Variants in HPCAL4 observed in about 807,000 individuals in gnomAD.
HPCAL4 encodes hippocalcin like 4, also known as hippocalcin-like protein 4.
A neutral mutation model predicts 18.2 loss-of-function variants in HPCAL4; 16 were observed. The observed-to-expected ratio is 0.88, with a 90% CI of 0.59 to 1.33. The LOEUF (loss-of-function observed/expected upper bound fraction) is 1.33. HPCAL4 is among the 40% of genes most tolerant of loss of function. The pLI is 0.00. For synonymous variants in HPCAL4, 80 were observed against 97.5 expected (o/e 0.82, Z 1.06); for missense variants, 214 against 256.6 (o/e 0.83, Z 1.14).
At position 39,682,716 on chromosome 1, in the gene HPCAL4, C is replaced by T; in HGVS notation, c.396G>A (p.Val132=). The stretch of plus-strand genomic sequence containing the variant: ...TCATGCGCATCATGATCACGGTGCC[C>T]ACCATCTTGTAGATTGCCTGGTGAG... ...LEIIEAIYKM[V]GTVIMMRMNQ... The change falls in exon 4 of 4, where the codon GTG becomes GTA. Residue 132 remains valine, a synonymous_variant. Coordinates refer to ENST00000372844, the MANE Select transcript of HPCAL4 (RefSeq NM_016257.4). The T allele has an allele frequency of 4.3e-6, 7 of 1,614,098 alleles. No individual in the cohort carries two copies. The highest frequency in any genetic ancestry group is 5.9e-6 in the Non-Finnish European group (7 of 1,180,024).
At chr1:39,686,180 CAAAAA>C (rs35915782) in intron 1 of HPCAL4, among the ~76,000 whole-genome samples, 1 of 86,476 alleles carries the variant, frequency 1.2e-5, no homozygotes, top group Non-Finnish European at 2.3e-5. Context: ...GACTCCGTCT[CAAAAA>C]AAAAAAAAAA....
chr1:39,686,160 G>A (rs577219545), intron 1 of HPCAL4, among the ~76,000 whole-genome samples: 15 of 139,846 alleles, frequency 1.1e-4, no homozygotes, highest in African/African-American at 3.3e-4. Flanking sequence ...CAGCCTGGGC[G>A]ACAGAGTGAG....
intron 1 of HPCAL4, among the ~76,000 whole-genome samples, chr1:39,689,242 G>A (rs909165035): frequency 2.8e-4 from 42 of 152,158 alleles, no homozygotes; most frequent in African/African-American, 1.0e-3. Context: ...ATGAGAGCAG[G>A]GGTTTTTTCT....
intron 1 of HPCAL4, among the ~76,000 whole-genome samples, chr1:39,690,122 G>GAGT (rs1646706639): frequency 6.6e-6 from 1 of 152,146 alleles, no homozygotes; most frequent in Admixed American, 6.5e-5. Context: ...TGTCTTCAGT[G>GAGT]AGTTCTAAAC....
At position 39,684,618 on chromosome 1, in the gene HPCAL4, G is replaced by A. The variant is rs913547867; in HGVS notation, c.-8-7C>T. The A allele has an allele frequency of 1.3e-6, 2 of 1,571,488 alleles. No individual in the cohort carries two copies. Among genetic ancestry groups the A allele is most frequent in the Non-Finnish European group, 1.7e-6 (2 of 1,159,702 alleles). ...GTCTTCCCCATGGCGGGGCCTGTGG[G>A]ACAGAGGGATTCCTCCGACTGGGTC... On this transcript the variant is annotated splice_region_variant and splice_polypyrimidine_tract_variant and intron_variant, in intron 1 of 3. Transcript: ENST00000372844.
At chr1:39,684,652 G>A (rs979618712) in intron 1 of HPCAL4, 41 bp from the exon 2 acceptor site, 2 of 1,495,908 alleles carry the variant, frequency 1.3e-6, no homozygotes, top group Non-Finnish European at 8.9e-7. Context: ...TCCAGGGAAA[G>A]GCCCTGCCTC....
At chr1:39,683,781 A>G (rs899710060) in intron 3 of HPCAL4, among the ~76,000 whole-genome samples, 156 bp downstream of exon 3, 11 of 152,154 alleles carry the variant, frequency 7.2e-5, no homozygotes, top group African/African-American at 2.7e-4. Flanking sequence ...GTGTCGGGTA[A>G]AGCATTTAGC....
chr1:39,685,580 A>T (rs1646665939), intron 1 of HPCAL4, among the ~76,000 whole-genome samples: 1 of 152,156 alleles, frequency 6.6e-6, no homozygotes, highest in African/African-American at 2.4e-5. Flanking sequence ...CAAAAAATTT[A>T]AAAATTTGGC....
rs1646628049 is a variant in HPCAL4 at position 39,681,736 on chromosome 1, AG to A, written c.*799del. 1 of 152,222 alleles carries A rather than the reference AG, an allele frequency of 6.6e-6. No individual in the cohort carries two copies. The highest frequency in any genetic ancestry group is 6.5e-5 in the Admixed American group (1 of 15,280). The allele number at this position is 152,222 out of a possible 1,614,324, so 9.4% of individuals were successfully genotyped here. Reference sequence around the variant, plus strand: ...AATAAAATGACTGTAGCTCCTTTAAAGGGTACTAAAAAAATAAGTATGACAT... The same window carrying A: ...AATAAAATGACTGTAGCTCCTTTAAAGGTACTAAAAAAATAAGTATGACAT... On this transcript the variant is annotated 3_prime_UTR_variant, in exon 4 of 4. Coordinates refer to ENST00000372844, the MANE Select transcript of HPCAL4 (RefSeq NM_016257.4).
chr1:39,688,749 C>T (rs1167509549), intron 1 of HPCAL4, among the ~76,000 whole-genome samples: 1 of 152,228 alleles, frequency 6.6e-6, no homozygotes, highest in African/African-American at 2.4e-5. Flanking sequence ...AGCCTTCTCA[C>T]AGCCAGACAC....
At position 39,681,243 on chromosome 1, in the gene HPCAL4, A is replaced by AT. The variant is rs944424874; in HGVS notation, c.*1292dup. The AT allele has an allele frequency of 1.5e-4, 23 of 152,158 alleles. No homozygotes were observed. The highest frequency in any genetic ancestry group is 5.6e-4 in the African/African-American group (23 of 41,436). 9.4% of individuals were successfully genotyped at this position (152,158 alleles called of 1,614,324 possible). A position where few individuals can be genotyped will look rare whatever the true frequency, so the allele number is the denominator to read the frequency against. ...CTCTCAAACAGAGCATGCCTGGCAC[A>AT]TTTTTAGGCATTTCGTCCATAAATT... On this transcript the variant is annotated 3_prime_UTR_variant, in exon 4 of 4. Coordinates refer to ENST00000372844, the MANE Select transcript of HPCAL4 (RefSeq NM_016257.4).
intron 3 of HPCAL4, 76 bp downstream of exon 3, chr1:39,683,861 G>A (rs1646648442): frequency 2.2e-6 from 3 of 1,361,486 alleles, no homozygotes; most frequent in Non-Finnish European, 2.1e-6. Flanking sequence ...CCCGAAGCCC[G>A]AGAGCAGCGC....
intron 1 of HPCAL4, among the ~76,000 whole-genome samples, chr1:39,689,393 C>A (rs762708218): frequency 2.0e-5 from 3 of 152,156 alleles, no homozygotes. Context: ...AGGAGCAGAA[C>A]CCCCTTCTTC....
At position 39,683,962 on chromosome 1, in the gene HPCAL4, C is replaced by T. The variant is rs777281978; in HGVS notation, c.353G>A (p.Arg118His). Residue 118 changes from arginine to histidine, a missense_variant, in exon 3 of 4, where the codon CGC becomes CAC. Transcript: ENST00000372844. The part of the protein sequence containing the change: ...YDLDGDGRIT[R>H]LEMLEIIEAI... ...CTCGATGATCTCCAGCATCTCCAGG[C>T]GCGTGATGCGCCCGTCGCCGTCCAG... 1.2e-6 allele frequency: 2 copies of T among 1,613,672 alleles called. No homozygotes were observed. The highest frequency in any genetic ancestry group is 2.7e-5 in the African/African-American group (2 of 74,914).
chr1:39,689,836 C>G (rs184586957), intron 1 of HPCAL4, among the ~76,000 whole-genome samples: 54 of 150,544 alleles, frequency 3.6e-4, no homozygotes, highest in African/African-American at 1.3e-3. Context: ...GCCATGGTGA[C>G]AATAGCTCCC....
At chr1:39,688,280 A>G (rs2124198680) in intron 1 of HPCAL4, among the ~76,000 whole-genome samples, 1 of 152,320 alleles carries the variant, frequency 6.6e-6, no homozygotes, top group East Asian at 1.9e-4. Flanking sequence ...GCAAGTCTAC[A>G]GCCAGACTCG....
At position 39,682,684 on chromosome 1, in the gene HPCAL4, T is replaced by A; in HGVS notation, c.428A>T (p.Asp143Val). ...CACACGCTGCTGGGGCGTGAGCCCG[T>A]CCTGGTTCATGCGCATCATGATCAC... ...GTVIMMRMNQ[D>V]GLTPQQRVDK... The change falls in exon 4 of 4, where the codon GAC becomes GTC. Residue 143 changes from aspartate to valine, a missense_variant. Asp to Val is a radical substitution (Grantham distance 152, BLOSUM62 -3). Transcript: ENST00000372844. 6.2e-7 allele frequency: 1 copy of A among 1,614,186 alleles called. No homozygotes were observed. Among genetic ancestry groups the A allele is most frequent in the Non-Finnish European group, 8.5e-7 (1 of 1,180,026 alleles).
chr1:39,679,187 T>TTCTTC lies in HPCAL4; in HGVS notation c.*3344_*3348dup, dbSNP rs1179347734. ...TACTACCCTGCCTGGAGACCCCAGCTTCTTCTCTTTCTTTTCTTTCCCCCA... is the reference window on the plus strand; with the variant it reads ...TACTACCCTGCCTGGAGACCCCAGCTTCTTCTCTTCTCTTTCTTTTCTTTCCCCCA... On this transcript the variant is annotated 3_prime_UTR_variant, in exon 4 of 4. Coordinates refer to ENST00000372844, the MANE Select transcript of HPCAL4 (RefSeq NM_016257.4). The TTCTTC allele has an allele frequency of 2.0e-5, 3 of 152,082 alleles. No individual in the cohort carries two copies. Among genetic ancestry groups the TTCTTC allele is most frequent in the Non-Finnish European group, 2.9e-5 (2 of 68,008 alleles). 9.4% of individuals were successfully genotyped at this position (152,082 alleles called of 1,614,324 possible).
At chr1:39,685,689 C>T (rs1432214345) in intron 1 of HPCAL4, among the ~76,000 whole-genome samples, 1 of 152,042 alleles carries the variant, frequency 6.6e-6, no homozygotes. Flanking sequence ...ACCATCCTGG[C>T]TAACACGGTG....
Sources: allele counts gnomAD v4.1 joint callset (sites outside exome capture counted in the v4.1 genomes callset), GRCh38; gene constraint gnomAD v4.1.1; transcripts MANE v1.5; gene names NCBI Gene and HGNC (gene_info 2026-07-23, HGNC 2026-07-21).